Variants in TARS3 observed in about 807,000 individuals in gnomAD.
TARS3 encodes the protein threonyl-tRNA synthetase 3, also known as threonine--tRNA ligase 2, cytoplasmic.
In TARS3, 94 loss-of-function variants were observed where a neutral mutation model predicts 103.5. The ratio of observed to expected loss-of-function variants is 0.91; its 90% confidence interval spans 0.77 to 1.08. The LOEUF (loss-of-function observed/expected upper bound fraction) is 1.08, where lower values mean the gene tolerates loss of function less well. TARS3 is among the 50% of genes least tolerant of loss of function. TARS3 has a pLI of 0.00. For missense variants in TARS3, 952 were observed against 995.2 expected (o/e 0.96, Z 0.58); for synonymous variants, 416 against 355.4 (o/e 1.17, Z -1.92).
chr15:101,668,566 A>G (rs1897672070), intron 15 of TARS3, among the ~76,000 whole-genome samples: 1 of 152,216 alleles, frequency 6.6e-6, no homozygotes, highest in Non-Finnish European at 1.5e-5. Flanking sequence ...AAGTAAGCCC[A>G]TGCTGTTGGA....
At chr15:101,708,257 G>GAAAA (rs60601502) in intron 6 of TARS3, among the ~76,000 whole-genome samples, 1 of 48,600 alleles carries the variant, frequency 2.1e-5, no homozygotes, top group African/African-American at 8.8e-5. Flanking sequence ...GACTCTGTCT[G>GAAAA]AAAAAAAAAA....
At chr15:101,672,357 G>A (rs1188824732) in intron 13 of TARS3, among the ~76,000 whole-genome samples, 1 of 152,168 alleles carries the variant, frequency 6.6e-6, no homozygotes, top group Admixed American at 6.5e-5. Context: ...GAGGATGCAA[G>A]TGTATTAATG....
intron 6 of TARS3, among the ~76,000 whole-genome samples, chr15:101,707,620 T>C (rs1899634363): frequency 6.6e-6 from 1 of 152,068 alleles, no homozygotes; most frequent in South Asian, 2.1e-4. Flanking sequence ...TTGTCATGAT[T>C]CCACTGATAT....
chr15:101,713,343 C>T (rs2141448386), intron 4 of TARS3, among the ~76,000 whole-genome samples: 1 of 152,152 alleles, frequency 6.6e-6, no homozygotes, highest in African/African-American at 2.4e-5. Flanking sequence ...ACCATGCAGG[C>T]CTTGGGGAGG....
rs1898452883 is a variant in TARS3 at position 101,685,911 on chromosome 15, T to C, written c.1472A>G (p.Asn491Ser). The C allele has an allele frequency of 1.2e-6, 2 of 1,613,732 alleles. No individual in the cohort carries two copies. Among genetic ancestry groups the C allele is most frequent in the Non-Finnish European group, 1.7e-6 (2 of 1,179,812 alleles). ...EKDTFALKPM[N>S]CPGHCLMFAH... Reference sequence around the variant, plus strand: ...TAATACTCACCAGTGCCCTGGACAATTCATGGGTTTGAGGGCAAAAGTGTC... The same window carrying C: ...TAATACTCACCAGTGCCCTGGACAACTCATGGGTTTGAGGGCAAAAGTGTC... Residue 491 changes from asparagine to serine, a missense_variant, in exon 11 of 19, where the codon AAT becomes AGT. Physicochemically the swap from Asn to Ser is conservative, Grantham distance 46 (BLOSUM62 1). Coordinates refer to ENST00000335968, the MANE Select transcript of TARS3 (RefSeq NM_152334.3).
chr15:101,689,135 C>T (rs937325894), intron 10 of TARS3, among the ~76,000 whole-genome samples: 1 of 152,196 alleles, frequency 6.6e-6, no homozygotes, highest in African/African-American at 2.4e-5. Context: ...ACTTACTACC[C>T]TTGATCCCAA....
intron 8 of TARS3, among the ~76,000 whole-genome samples, chr15:101,702,603 G>A (rs1899339981): frequency 6.6e-6 from 1 of 151,994 alleles, no homozygotes; most frequent in African/African-American, 2.4e-5. Flanking sequence ...AACCCCATCT[G>A]TACAGAAAAT....
At chr15:101,661,566 G>A (rs1897378617) in intron 16 of TARS3, 146 bp downstream of exon 16, 1 of 521,402 alleles carries the variant, frequency 1.9e-6, no homozygotes, top group Non-Finnish European at 3.4e-6. Flanking sequence ...TTACAAGGCA[G>A]GAAAGGCCCT....
chr15:101,701,722 G>A (rs1181702247), intron 9 of TARS3, among the ~76,000 whole-genome samples: 2 of 152,156 alleles, frequency 1.3e-5, no homozygotes, highest in African/African-American at 4.8e-5. Context: ...CCTTCTACAC[G>A]CTGCTCTGTC....
intron 11 of TARS3, 141 bp from the exon 12 acceptor site, chr15:101,684,378 A>T (rs1898379667): frequency 1.3e-6 from 1 of 772,526 alleles, no homozygotes; most frequent in Non-Finnish European, 1.9e-6. Context: ...TAAAAAAAAA[A>T]TTCTTCCACA....
chr15:101,715,199 T>G (rs1283031089), intron 3 of TARS3, among the ~76,000 whole-genome samples: 1 of 149,666 alleles, frequency 6.7e-6, no homozygotes, highest in Non-Finnish European at 1.5e-5. Context: ...CAGGCTGGAG[T>G]GCAGTGGCGG....
chr15:101,695,478 T>G (rs943847135), intron 10 of TARS3, among the ~76,000 whole-genome samples: 6 of 152,216 alleles, frequency 3.9e-5, no homozygotes, highest in Non-Finnish European at 8.8e-5. Context: ...CTTTCCACAT[T>G]ATGTTTATCT....
intron 7 of TARS3, among the ~76,000 whole-genome samples, chr15:101,705,055 C>T (rs1464708198): frequency 7.2e-5 from 11 of 151,930 alleles, no homozygotes; most frequent in Admixed American, 7.2e-4. Flanking sequence ...CCCAGATGGC[C>T]GGAACACACG....
chr15:101,661,760 G>T lies in TARS3; in HGVS notation c.2024C>A (p.Ser675Ter). ...AAGAATGGCTATCATTCTTTCCACT[G>T]ATCCCAAAATGGCTCGATGAATGAT... ...PVIIHRAILG[S>*]VERMIAILSE... Residue 675 changes from serine (S) to a stop codon, truncating the protein, a stop_gained, in exon 16 of 19, where the codon TCA (serine) becomes TAA (stop). Coordinates refer to ENST00000335968, the MANE Select transcript of TARS3 (RefSeq NM_152334.3). LOFTEE classifies it high-confidence loss of function. 6.2e-7 allele frequency: 1 copy of T among 1,607,748 alleles called. No homozygotes were observed. The highest frequency in any genetic ancestry group is 8.5e-7 in the Non-Finnish European group (1 of 1,176,726).
chr15:101,724,039 G>T lies in TARS3; in HGVS notation c.297+52C>A, dbSNP rs1270727938. 6.0e-6 allele frequency: 8 copies of T among 1,325,834 alleles called. No homozygotes were observed. In the Admixed American group the frequency reaches 2.8e-4, roughly 47 times the overall value. 82.1% of individuals were successfully genotyped at this position (1,325,834 alleles called of 1,614,324 possible). ...AGTTGAAAACCTTTCGGTGCGCACCGTCTCGGCCCGCCCCGCCCGCGTCCT... is the reference window on the plus strand; with the variant it reads ...AGTTGAAAACCTTTCGGTGCGCACCTTCTCGGCCCGCCCCGCCCGCGTCCT... On this transcript the variant is annotated intron_variant, in intron 1 of 18. Coordinates refer to ENST00000335968, the MANE Select transcript of TARS3 (RefSeq NM_152334.3).
chr15:101,683,947 A>C, intron 12 of TARS3, 128 bp downstream of exon 12: 4 of 793,544 alleles, frequency 5.0e-6, no homozygotes, highest in Non-Finnish European at 7.4e-6. Flanking sequence ...ACAGCAGGTT[A>C]GAGCTGAATG....
Position 101,656,933 on chromosome 15 carries a change from T to G in TARS3, c.2249A>C (p.Asn750Thr), listed in dbSNP as rs771652265. The change falls in exon 18 of 19, where the codon AAT becomes ACT. Residue 750 changes from asparagine (N) to threonine (T), a missense_variant. By Grantham distance (65) the Asn-to-Thr change is moderately conservative. This residue lies in a region of TARS3 where 540 missense variants were observed against 631.0 expected (regional missense o/e 0.86). Transcript: ENST00000335968. ...CAAACTTAAATTACCCAAAATAAAA[T>G]TATACTGAGCCAGCTGTGCATTTCG... ...KIRNAQLAQY[N>T]FILVVGEKEK... is the part of the protein sequence containing the mutation. The G allele has an allele frequency of 2.5e-6, 4 of 1,603,856 alleles. No homozygotes were observed. In the Admixed American group the frequency reaches 5.1e-5, roughly 21 times the overall value.
chr15:101,698,994 C>A (rs1899119904), intron 10 of TARS3, among the ~76,000 whole-genome samples: 1 of 152,110 alleles, frequency 6.6e-6, no homozygotes, highest in Admixed American at 6.5e-5. Context: ...GGAAGCCGGC[C>A]CTAACCCAGT....
At chr15:101,717,464 C>T (rs1900210696) in intron 3 of TARS3, among the ~76,000 whole-genome samples, 2 of 151,964 alleles carry the variant, frequency 1.3e-5, no homozygotes, top group Admixed American at 6.5e-5. Flanking sequence ...TTTCGCAAAC[C>T]GATTCTGCCC....
Sources: allele counts gnomAD v4.1 joint callset (sites outside exome capture counted in the v4.1 genomes callset), GRCh38; gene constraint gnomAD v4.1.1; regional missense constraint gnomAD v4.1.1; transcripts MANE v1.5; gene names NCBI Gene and HGNC (gene_info 2026-07-23, HGNC 2026-07-21).